Variants in CACNA2D4 observed in about 807,000 individuals in gnomAD.
CACNA2D4 encodes the protein calcium voltage-gated channel auxiliary subunit alpha2delta 4, also known as voltage-dependent calcium channel subunit alpha-2/delta-4.
In CACNA2D4, 157 loss-of-function variants were observed where a neutral mutation model predicts 163.8. That is an observed-to-expected ratio of 0.96 (90% CI 0.84 to 1.09). The LOEUF (loss-of-function observed/expected upper bound fraction) is 1.09. Among genes scored for constraint, CACNA2D4 ranks in the 50% least tolerant of loss-of-function variants. The probability of loss-of-function intolerance (pLI) is 0.00; values close to 1 mark genes in which losing one functional copy is unlikely to be tolerated. For missense variants in CACNA2D4, 1,410 were observed against 1,479.9 expected, an observed-to-expected ratio of 0.95 and a Z score of 0.78; for synonymous variants, 598 against 586.9, an observed-to-expected ratio of 1.02 and a Z score of -0.27.
rs757247321 is a variant in CACNA2D4, at chr12:1,907,506, G to A, written c.715C>T (p.Gln239Ter). The change falls in exon 6 of 38, where the codon CAG becomes TAG. Residue 239 changes from glutamine (Q) to a stop codon, truncating the protein, a stop_gained. Transcript: ENST00000382722. LOFTEE classifies it high-confidence loss of function. Reference sequence around the variant, plus strand: ...TGCCAGGTCAACGTTGGGTCTCTCTGGAAGTTCTCCACGAAGACAGCATTC... The same window carrying A: ...TGCCAGGTCAACGTTGGGTCTCTCTAGAAGTTCTCCACGAAGACAGCATTC... ...ALNAVFVENF[Q>*]RDPTLTWQYF... 30 of 1,613,636 alleles carry A rather than the reference G, an allele frequency of 1.9e-5. No homozygotes were observed. Among genetic ancestry groups the A allele is most frequent in the Admixed American group, 5.0e-5 (3 of 59,998 alleles).
At position 1,833,677 on chromosome 12, in the gene CACNA2D4, C is replaced by G. The variant is rs368763707; in HGVS notation, c.2551+7062G>C. On this transcript the variant is annotated intron_variant, in intron 26 of 37. Coordinates refer to ENST00000382722, the MANE Select transcript of CACNA2D4 (RefSeq NM_172364.5). The surrounding 1 kb of genome is among the most constrained non-coding windows in gnomAD (Gnocchi z 4.2). ...TCCTGCCCAACTCTTTTCCTCTTTACGCCAGGAAGGGAGCTGCCCATTCTT... is the reference window on the plus strand; with the variant it reads ...TCCTGCCCAACTCTTTTCCTCTTTAGGCCAGGAAGGGAGCTGCCCATTCTT... Among the ~76,000 whole-genome samples, 44 of 152,272 alleles carry G rather than the reference C, an allele frequency of 2.9e-4. No homozygotes were observed. In the South Asian group the frequency reaches 8.5e-3, roughly 29 times the overall value.
chr12:1,870,100 C>A (rs562311834), intron 18 of CACNA2D4, among the ~76,000 whole-genome samples: 1 of 152,280 alleles, frequency 6.6e-6, no homozygotes, highest in East Asian at 1.9e-4. Flanking sequence ...ACAGTCTTTA[C>A]TCCTAAGGTG....
At chr12:1,907,801 C>A in intron 5 of CACNA2D4, 74 bp downstream of exon 5, 15 of 1,522,470 alleles carry the variant, frequency 9.9e-6, no homozygotes, top group Non-Finnish European at 1.4e-5. Context: ...GTGGGTGTGC[C>A]TGGTGGGCGT....
At chr12:1,840,341 A>T (rs1018439275) in intron 26 of CACNA2D4, among the ~76,000 whole-genome samples, 1 of 148,548 alleles carries the variant, frequency 6.7e-6, no homozygotes, top group African/African-American at 2.4e-5. Context: ...TTAACCCGCC[A>T]GCCTTCCTTT....
intron 1 of CACNA2D4, 34 bp downstream of exon 1, chr12:1,918,213 G>T (rs757974190): frequency 1.3e-6 from 2 of 1,503,274 alleles, no homozygotes; most frequent in Non-Finnish European, 9.1e-7. Flanking sequence ...AAGGGTGACC[G>T]GGTTTTTGGG....
At chr12:1,822,052 C>G (rs1864126138) in intron 26 of CACNA2D4, 2 of 152,062 alleles carry the variant, frequency 1.3e-5, no homozygotes, top group South Asian at 4.2e-4. Context: ...AAGAGCCCAG[C>G]TTTTCCCACC....
Position 1,879,863 on chromosome 12 carries a change from G to A in CACNA2D4, c.1504C>T (p.Gln502Ter), listed in dbSNP as rs750636655. 1.3e-6 allele frequency: 2 copies of A among 1,599,482 alleles called. No homozygotes were observed. The highest frequency in any genetic ancestry group is 1.3e-5 in the African/African-American group (1 of 74,772). The change falls in exon 14 of 38, where the codon CAG becomes TAG. Residue 502 changes from glutamine to a stop codon, truncating the protein, a stop_gained. Transcript: ENST00000382722. LOFTEE classifies it high-confidence loss of function. ...MDSKLLSSQA[Q>*]SLTLLTTVAM... Reference sequence around the variant, plus strand: ...ACAGTGGTGAGCAGTGTCAGGCTCTGAGCCTGCGAGCTGAGGAGCTGTAAG... The same window carrying A: ...ACAGTGGTGAGCAGTGTCAGGCTCTAAGCCTGCGAGCTGAGGAGCTGTAAG...
chr12:1,844,393 G>T lies in CACNA2D4; in HGVS notation c.2470+9C>A. ...GGCCCAGCCCCGGGAGCACCGGGCT[G>T]TGTGTTACCTGGTCCTTCTGCCCAG... On this transcript the variant is annotated intron_variant, in intron 25 of 37. Coordinates refer to ENST00000382722, the MANE Select transcript of CACNA2D4 (RefSeq NM_172364.5). The surrounding 1 kb of genome is among the most constrained non-coding windows in gnomAD (Gnocchi z 4.2). 1 of 1,613,218 alleles carries T rather than the reference G, an allele frequency of 6.2e-7. No individual in the cohort carries two copies. Among genetic ancestry groups the T allele is most frequent in the East Asian group, 2.2e-5 (1 of 44,866 alleles).
intron 2 of CACNA2D4, among the ~76,000 whole-genome samples, chr12:1,914,365 G>A (rs1481944748): frequency 1.3e-5 from 2 of 152,184 alleles, no homozygotes; most frequent in Non-Finnish European, 2.9e-5. Flanking sequence ...AGAAAGCAAT[G>A]CATATTAAGG....
chr12:1,828,028 A>T lies in CACNA2D4; in HGVS notation c.2551+12711T>A, dbSNP rs1864428784. On this transcript the variant is annotated intron_variant, in intron 26 of 37. Transcript: ENST00000382722. This position sits in a 1 kb window ranked among gnomAD's most constrained non-coding sequence, Gnocchi z 4.2. ...GCCCTCTCCCTAACCCCTGGGCTGG[A>T]ACGGGGCTCCCGCGCCTGCCTGTGC... The T allele has an allele frequency of 1.7e-5, 15 of 874,326 alleles. No homozygotes were observed. The South Asian group carries it at 3.2e-4, about 19-fold the overall frequency. 54.2% of individuals were successfully genotyped at this position (874,326 alleles called of 1,614,324 possible). A position where few individuals can be genotyped will look rare whatever the true frequency, so the allele number is the denominator to read the frequency against.
chr12:1,865,419 A>T (rs959418007), intron 18 of CACNA2D4, among the ~76,000 whole-genome samples: 1 of 152,210 alleles, frequency 6.6e-6, no homozygotes, highest in Admixed American at 6.5e-5. Flanking sequence ...GTGAAATGGA[A>T]GGTCAGTGTC....
chr12:1,801,769 G>T, intron 29 of CACNA2D4, 125 bp from the exon 30 acceptor site: 1 of 619,570 alleles, frequency 1.6e-6, no homozygotes, highest in Non-Finnish European at 2.8e-6. Context: ...CTTTCCCTCT[G>T]ACTGCCTCTC....
chr12:1,884,625 A>T (rs1866089037), intron 11 of CACNA2D4, 143 bp downstream of exon 11: 1 of 656,770 alleles, frequency 1.5e-6, no homozygotes, highest in African/African-American at 1.8e-5. Context: ...GGAACACTCA[A>T]TTAAAATGCA....
chr12:1,886,061 G>A, intron 8 of CACNA2D4, 22 bp from the exon 9 acceptor site: 2 of 1,590,216 alleles, frequency 1.3e-6, no homozygotes, highest in Non-Finnish European at 1.7e-6. Flanking sequence ...GTGAGTTGAG[G>A]GGAGGTGGGG....
intron 18 of CACNA2D4, among the ~76,000 whole-genome samples, chr12:1,862,518 A>G (rs192781926): frequency 1.3e-5 from 2 of 152,254 alleles, no homozygotes; most frequent in East Asian, 1.9e-4. Flanking sequence ...GGTTCAAGCA[A>G]TTCTCATGCC....
At chr12:1,830,504 G>A (rs933678838) in intron 26 of CACNA2D4, among the ~76,000 whole-genome samples, 1 of 152,340 alleles carries the variant, frequency 6.6e-6, no homozygotes, top group African/African-American at 2.4e-5. Flanking sequence ...CTGGGAGAGG[G>A]CATGGGAGCA....
Position 1,909,927 on chromosome 12 carries a change from G to A in CACNA2D4, c.465C>T (p.His155=), listed in dbSNP as rs752053429. ...VEAAEEADLN[H]EFNESLVFDY... is the part of the protein sequence containing the mutation. Reference sequence around the variant, plus strand: ...TCACCACCAGGGATTCATTGAATTCGTGGTTCAGGTCGGCCTCCTCGGCAG... The same window carrying A: ...TCACCACCAGGGATTCATTGAATTCATGGTTCAGGTCGGCCTCCTCGGCAG... Residue 155 remains histidine (H), a synonymous_variant, in exon 4 of 38, where the codon CAC becomes CAT. Coordinates refer to ENST00000382722, the MANE Select transcript of CACNA2D4 (RefSeq NM_172364.5). The A allele has an allele frequency of 4.3e-6, 7 of 1,613,650 alleles. No homozygotes were observed. In the East Asian group the frequency reaches 8.9e-5, roughly 21 times the overall value.
chr12:1,902,067 T>G (rs1234631876), intron 6 of CACNA2D4, among the ~76,000 whole-genome samples: 2 of 152,006 alleles, frequency 1.3e-5, no homozygotes, highest in Admixed American at 1.3e-4. Flanking sequence ...CAAATGCAAA[T>G]CAGTCAATAT....
chr12:1,850,689 G>A (rs1244765702), intron 23 of CACNA2D4, among the ~76,000 whole-genome samples: 1 of 152,036 alleles, frequency 6.6e-6, no homozygotes, highest in Non-Finnish European at 1.5e-5. Context: ...GGGATCATGA[G>A]GTCAGGAGAT....
Sources: allele counts gnomAD v4.1 joint callset (sites outside exome capture counted in the v4.1 genomes callset), GRCh38; gene constraint gnomAD v4.1.1; non-coding constraint Gnocchi (gnomAD v3.1); transcripts MANE v1.5; gene names NCBI Gene and HGNC (gene_info 2026-07-23, HGNC 2026-07-21).